CSMD1: variants seen among roughly 807,000 people sequenced by gnomAD.
CSMD1 encodes CUB and sushi domain-containing protein 1.
A neutral mutation model predicts 417.5 loss-of-function variants in CSMD1; 213 were observed. The ratio of observed to expected loss-of-function variants is 0.51; its 90% confidence interval spans 0.46 to 0.57. The LOEUF (loss-of-function observed/expected upper bound fraction) is 0.57. CSMD1 is among the 20% of genes least tolerant of loss of function. CSMD1 has a pLI of 0.00. For synonymous variants in CSMD1, 2,862 were observed against 1,736.8 expected (o/e 1.65, Z -16.11); for missense variants, 6,923 against 4,529.7 (o/e 1.53, Z -15.17).
At chr8:3,581,924 C>A (rs1311241100) in intron 9 of CSMD1, among the ~76,000 whole-genome samples, 1 of 152,186 alleles carries the variant, frequency 6.6e-6, no homozygotes, top group African/African-American at 2.4e-5. Flanking sequence ...CCTGCCTCAG[C>A]CTCCCGAGTA....
rs556027526 is a variant in CSMD1, at chr8:3,368,889, T to C, written c.2899+365A>G. Among the ~76,000 whole-genome samples the C allele has an allele frequency of 2.6e-3, 402 of 152,304 alleles. 1 individual carries two copies. Among genetic ancestry groups the C allele is most frequent in the Middle Eastern group, 0.02 (6 of 294 alleles). ...AAATACAAGGAAAGTACAAAAATTG[T>C]CCCAGATATATCATGAAATTGGAAG... On this transcript the variant is annotated intron_variant, in intron 19 of 69. Coordinates refer to ENST00000635120, the MANE Select transcript of CSMD1 (RefSeq NM_033225.6).
At chr8:3,003,602 G>A (rs1336457650) in intron 52 of CSMD1, among the ~76,000 whole-genome samples, 1 of 152,176 alleles carries the variant, frequency 6.6e-6, no homozygotes, top group Non-Finnish European at 1.5e-5. Context: ...ATGATGATTT[G>A]TTGTGGGTTG....
intron 3 of CSMD1, among the ~76,000 whole-genome samples, chr8:4,037,278 G>C (rs1279201546): frequency 1.3e-5 from 2 of 152,054 alleles, no homozygotes; most frequent in South Asian, 2.1e-4. Context: ...TTAACCTGTG[G>C]GAAAATTGGT....
chr8:4,255,105 CTA>C (rs532668507), intron 3 of CSMD1, among the ~76,000 whole-genome samples: 198 of 152,294 alleles, frequency 1.3e-3, no homozygotes, highest in African/African-American at 4.7e-3. Flanking sequence ...CTCGGTCTCT[CTA>C]CTTCTTCCTT....
chr8:4,893,019 T>C (rs1357210901), intron 1 of CSMD1, among the ~76,000 whole-genome samples: 9 of 152,150 alleles, frequency 5.9e-5, no homozygotes, highest in Admixed American at 2.0e-4. Flanking sequence ...GTGTTTGTAA[T>C]TTGCATGGTC....
At chr8:3,487,493 G>A (rs1428772499) in intron 11 of CSMD1, among the ~76,000 whole-genome samples, 2 of 152,182 alleles carry the variant, frequency 1.3e-5, no homozygotes, top group Admixed American at 6.5e-5. Flanking sequence ...GAGCCACCAT[G>A]CCCGGCCTAT....
chr8:4,119,444 G>C (rs1312913897), intron 3 of CSMD1, among the ~76,000 whole-genome samples: 2 of 152,140 alleles, frequency 1.3e-5, no homozygotes, highest in African/African-American at 2.4e-5. Flanking sequence ...ATGTGTCATG[G>C]ACTGAATATC....
chr8:4,791,060 G>C (rs926243945), intron 1 of CSMD1, among the ~76,000 whole-genome samples: 1 of 117,054 alleles, frequency 8.5e-6, no homozygotes, highest in Non-Finnish European at 2.0e-5. Context: ...AGCTAGTAGG[G>C]AGAGAGACGG....
chr8:4,108,693 A>C (rs1801698065), intron 3 of CSMD1, among the ~76,000 whole-genome samples: 1 of 152,196 alleles, frequency 6.6e-6, no homozygotes. Flanking sequence ...AGAACAGTTA[A>C]GCAGACAATA....
At chr8:3,391,300 T>A (rs1423075657) in intron 17 of CSMD1, among the ~76,000 whole-genome samples, 1 of 152,216 alleles carries the variant, frequency 6.6e-6, no homozygotes, top group African/African-American at 2.4e-5. Context: ...AAGTGATGAA[T>A]CTTTCTTCTG....
chr8:4,272,209 T>C lies in CSMD1; in HGVS notation c.415+147744A>G, dbSNP rs565233661. On this transcript the variant is annotated intron_variant, in intron 3 of 69. Coordinates refer to ENST00000635120, the MANE Select transcript of CSMD1 (RefSeq NM_033225.6). ...TGTATGACCTTAATAGGTATAGTAC[T>C]TTATGGCTTAGTACTATAGTACTTT... 4.8e-4 allele frequency among the ~76,000 whole-genome samples: 73 copies of C among 152,294 alleles called. No individual in the cohort carries two copies. In the South Asian group the frequency reaches 0.015, roughly 31 times the overall value.
chr8:4,425,695 T>A (rs180924743), intron 2 of CSMD1, among the ~76,000 whole-genome samples: 15 of 152,278 alleles, frequency 9.9e-5, no homozygotes, highest in Middle Eastern at 3.4e-3. Flanking sequence ...AACTGGCTTA[T>A]TTTCAACACA....
chr8:4,755,937 A>G (rs532472658), intron 1 of CSMD1, among the ~76,000 whole-genome samples: 3 of 152,328 alleles, frequency 2.0e-5, no homozygotes, highest in East Asian at 3.9e-4. Flanking sequence ...CACATTACCT[A>G]AAACACTGGT....
At chr8:3,458,243 A>C (rs751988899) in intron 12 of CSMD1, among the ~76,000 whole-genome samples, 13 of 152,184 alleles carry the variant, frequency 8.5e-5, no homozygotes, top group Non-Finnish European at 1.5e-4. Context: ...TTAAATGTCA[A>C]ATTTCTGCGT....
At chr8:3,287,063 C>G (rs1803215723) in intron 25 of CSMD1, among the ~76,000 whole-genome samples, 1 of 152,054 alleles carries the variant, frequency 6.6e-6, no homozygotes, top group South Asian at 2.1e-4. Context: ...TTTCCCAGCA[C>G]CATTTATTAA....
At chr8:4,376,210 G>C (rs907701908) in intron 3 of CSMD1, among the ~76,000 whole-genome samples, 4 of 152,140 alleles carry the variant, frequency 2.6e-5, no homozygotes, top group African/African-American at 9.7e-5. Flanking sequence ...GGCTCTGTTT[G>C]TCAATAATCG....
chr8:4,117,436 G>T (rs1024125958), intron 3 of CSMD1, among the ~76,000 whole-genome samples: 1 of 152,104 alleles, frequency 6.6e-6, no homozygotes, highest in South Asian at 2.1e-4. Flanking sequence ...AAGCAGGACC[G>T]CATGCTGCAA....
intron 1 of CSMD1, among the ~76,000 whole-genome samples, chr8:4,990,953 T>C (rs1415237649): frequency 2.0e-5 from 3 of 152,166 alleles, no homozygotes; most frequent in African/African-American, 7.2e-5. Context: ...CAGGAAATGT[T>C]TGAATTACTT....
Position 4,034,256 on chromosome 8 carries a change from T to C in CSMD1, c.416-2157A>G, listed in dbSNP as rs554357516. 2.0e-5 allele frequency among the ~76,000 whole-genome samples: 3 copies of C among 152,282 alleles called. No individual in the cohort carries two copies. In the South Asian group the frequency reaches 6.2e-4, roughly 32 times the overall value. On this transcript the variant is annotated intron_variant, in intron 3 of 69. Coordinates refer to ENST00000635120, the MANE Select transcript of CSMD1 (RefSeq NM_033225.6). ...GTACAAACAGAACTATATAGAAATA[T>C]TTAGGAAATAAATACTAGTGTTTAG...
Sources: allele counts gnomAD v4.1 joint callset (sites outside exome capture counted in the v4.1 genomes callset), GRCh38; gene constraint gnomAD v4.1.1; transcripts MANE v1.5; gene names NCBI Gene and HGNC (gene_info 2026-07-23, HGNC 2026-07-21).